The following SLC30A6 variants were observed in gnomAD, a reference collection of about 807,000 sequenced individuals.
The protein encoded by SLC30A6 is solute carrier family 30 member 6, also known as zinc transporter 6.
A neutral mutation model predicts 63.0 loss-of-function variants in SLC30A6; 55 were observed. The ratio of observed to expected loss-of-function variants is 0.87; its 90% CI spans 0.70 to 1.09. The LOEUF is 1.09. Ranked by LOEUF, SLC30A6 falls within the 50% of genes least tolerant of loss-of-function variation. SLC30A6 has a pLI of 0.00. For missense variants in SLC30A6, 587 were observed against 549.2 expected (o/e 1.07, Z -0.69); for synonymous variants, 224 against 186.1 (o/e 1.20, Z -1.66).
intron 11 of SLC30A6, 33 bp from the exon 12 acceptor site, chr2:32,206,853 C>G: frequency 1.3e-6 from 2 of 1,585,498 alleles, no homozygotes; most frequent in Non-Finnish European, 1.7e-6. Context: ...TTTCCTTCCC[C>G]CATTATTCAT....
intron 10 of SLC30A6, chr2:32,202,495 ATT>A: frequency 3.8e-6 from 1 of 265,924 alleles, no homozygotes; most frequent in South Asian, 4.2e-5. Flanking sequence ...ACCCCCGACT[ATT>A]TTTTTTTGTA....
intron 8 of SLC30A6, among the ~76,000 whole-genome samples, chr2:32,195,126 GTCTCACTC>G (rs1428933050): frequency 7.6e-6 from 1 of 131,054 alleles, no homozygotes; most frequent in Non-Finnish European, 1.6e-5. Context: ...TTGAAACGGA[GTCTCACTC>G]TCTTGCCCAG....
Position 32,220,580 on chromosome 2 carries a change from C to G in SLC30A6, c.1253C>G (p.Thr418Arg), listed in dbSNP as rs141501206. The change falls in exon 14 of 14, where the codon ACA becomes AGA. Residue 418 changes from threonine to arginine, a missense_variant. Thr to Arg is a moderately conservative substitution (Grantham distance 71). Coordinates refer to ENST00000282587, the MANE Select transcript of SLC30A6 (RefSeq NM_017964.5). ...GGTTTTGGTCTCAATCATGGACACACACCTTACAGCAGCATGCTTAATCAA... is the reference window on the plus strand; with the variant it reads ...GGTTTTGGTCTCAATCATGGACACAGACCTTACAGCAGCATGCTTAATCAA... ...PYGFGLNHGH[T>R]PYSSMLNQGL... 6 of 1,614,102 alleles carry G rather than the reference C, an allele frequency of 3.7e-6. No homozygotes were observed. The African/African-American group carries it at 6.7e-5, about 18-fold the overall frequency.
At position 32,209,524 on chromosome 2, in the gene SLC30A6, G is replaced by A. The variant is rs770642212; in HGVS notation, c.848G>A (p.Arg283Gln). The A allele has an allele frequency of 1.1e-5, 17 of 1,612,878 alleles. No homozygotes were observed. The Admixed American group carries it at 1.7e-4, about 16-fold the overall frequency. ...ACCTTAGATGGAGTTTTAGAAGTCC[G>A]AAATGAACATTTTTGGACCCTAGGT... ...VSTLDGVLEV[R>Q]NEHFWTLGFG... is the part of the protein sequence containing the mutation. The change falls in exon 13 of 14, where the codon CGA (arginine) becomes CAA (glutamine). Residue 283 changes from arginine to glutamine, a missense_variant. Transcript: ENST00000282587.
rs981119883 is a variant in SLC30A6 at position 32,194,043 on chromosome 2, TTTTG to T, written c.496+68_496+71del. 26 of 1,384,618 alleles carry T rather than the reference TTTTG, an allele frequency of 1.9e-5. No homozygotes were observed. In the African/African-American group the frequency reaches 2.9e-4, roughly 15 times the overall value. The allele number at this position is 1,384,618 out of a possible 1,614,324, so 85.8% of individuals were successfully genotyped here. ...AACTAATCTCTCATAAAAACAAGCCTTTTGTTTGTTTCGTTCACTCAGATCAATG... is the reference window on the plus strand; with the variant it reads ...AACTAATCTCTCATAAAAACAAGCCTTTTGTTTCGTTCACTCAGATCAATG... On this transcript the variant is annotated intron_variant, in intron 8 of 13. Coordinates refer to ENST00000282587, the MANE Select transcript of SLC30A6 (RefSeq NM_017964.5).
Position 32,220,740 on chromosome 2 carries a change from A to G in SLC30A6, c.*27A>G. The G allele has an allele frequency of 6.3e-7, 1 of 1,577,600 alleles. No homozygotes were observed. The highest frequency in any genetic ancestry group is 1.4e-5 in the African/African-American group (1 of 73,608). On this transcript the variant is annotated 3_prime_UTR_variant, in exon 14 of 14. Coordinates refer to ENST00000282587, the MANE Select transcript of SLC30A6 (RefSeq NM_017964.5). ...AGACTCTAACTTATTTTTATAAGGA[A>G]TATTGACTCCTTGGCTTCCAATTTA...
At chr2:32,202,032 A>C in intron 10 of SLC30A6, 4 of 1,103,138 alleles carry the variant, frequency 3.6e-6, no homozygotes, top group Non-Finnish European at 5.2e-6. Context: ...TGAAAAAAAA[A>C]AAGCAAGTAT....
chr2:32,199,389 T>A (rs980472781), intron 10 of SLC30A6, among the ~76,000 whole-genome samples: 10 of 152,218 alleles, frequency 6.6e-5, no homozygotes, highest in African/African-American at 2.4e-4. Flanking sequence ...TGTGATATGA[T>A]AATTCTGTAT....
chr2:32,189,648 G>A (rs1158679251), intron 5 of SLC30A6, among the ~76,000 whole-genome samples: 1 of 113,224 alleles, frequency 8.8e-6, no homozygotes, highest in Non-Finnish European at 1.6e-5. Context: ...TAACTCTGTA[G>A]CCCATGTTGG....
intron 6 of SLC30A6, 38 bp downstream of exon 6, chr2:32,192,454 G>A (rs1318790477): frequency 1.3e-6 from 2 of 1,561,094 alleles, no homozygotes; most frequent in African/African-American, 2.7e-5. Context: ...ATCCCCCCAT[G>A]ACACCTTTGG....
chr2:32,193,791 C>G, intron 7 of SLC30A6, 98 bp from the exon 8 acceptor site: 3 of 922,562 alleles, frequency 3.3e-6, no homozygotes, highest in Non-Finnish European at 5.1e-6. Flanking sequence ...AAGCAGACCA[C>G]TTTACCTTCC....
chr2:32,197,743 C>A lies in SLC30A6; in HGVS notation c.582C>A (p.Phe194Leu), dbSNP rs368772158. 29 of 1,613,980 alleles carry A rather than the reference C, an allele frequency of 1.8e-5. 1 individual carries two copies. In the East Asian group the frequency reaches 6.2e-4, roughly 35 times the overall value. ...TTATTCCGGGACTTAGCAGTATCTT[C>A]CTTCCCCGAATGAATCCATTTGTTT... is the stretch of plus-strand genomic sequence containing the variant. ...CGIIPGLSSI[F>L]LPRMNPFVLI... The change falls in exon 10 of 14, where the codon TTC becomes TTA. Residue 194 changes from phenylalanine to leucine, a missense_variant. Phe to Leu is a conservative substitution (Grantham distance 22). Coordinates refer to ENST00000282587, the MANE Select transcript of SLC30A6 (RefSeq NM_017964.5).
intron 11 of SLC30A6, among the ~76,000 whole-genome samples, chr2:32,204,932 G>A (rs939414609): frequency 6.7e-6 from 1 of 149,916 alleles, no homozygotes; most frequent in Non-Finnish European, 1.5e-5. Context: ...TCCCACCTCA[G>A]TCTCCTGAGT....
At chr2:32,172,248 C>T (rs1330785678) in intron 2 of SLC30A6, among the ~76,000 whole-genome samples, 1 of 152,124 alleles carries the variant, frequency 6.6e-6, no homozygotes, top group Non-Finnish European at 1.5e-5. Flanking sequence ...TTCAATGAAA[C>T]AATAATAAGC....
intron 1 of SLC30A6, among the ~76,000 whole-genome samples, chr2:32,166,483 C>G (rs1368104893): frequency 6.6e-6 from 1 of 152,182 alleles, no homozygotes; most frequent in Non-Finnish European, 1.5e-5. Flanking sequence ...TTTGTAGAAA[C>G]TAATGGAAGA....
At chr2:32,202,056 T>A (rs1347590924) in intron 10 of SLC30A6, 14 of 915,248 alleles carry the variant, frequency 1.5e-5, no homozygotes, top group Non-Finnish European at 1.8e-5. Flanking sequence ...CCTTAGATAG[T>A]TCTACTCATG....
At chr2:32,198,702 GCCT>G (rs1684010927) in intron 10 of SLC30A6, among the ~76,000 whole-genome samples, 1 of 152,122 alleles carries the variant, frequency 6.6e-6, no homozygotes, top group South Asian at 2.1e-4. Context: ...TCCTGCCTCA[GCCT>G]CCTGAGTAGC....
At chr2:32,190,693 C>T (rs1320723792) in intron 5 of SLC30A6, among the ~76,000 whole-genome samples, 2 of 152,024 alleles carry the variant, frequency 1.3e-5, no homozygotes, top group East Asian at 1.9e-4. Flanking sequence ...TGGCGCAATT[C>T]GGCTCACTTC....
intron 10 of SLC30A6, chr2:32,203,428 T>C (rs1187766505): frequency 1.4e-6 from 2 of 1,471,318 alleles, no homozygotes; most frequent in Non-Finnish European, 1.9e-6. Context: ...CTGCTGTTGA[T>C]TTTTTCCAAC....
Sources: gnomAD v4.1 joint callset for allele counts (sites outside exome capture counted in the v4.1 genomes callset) on GRCh38, gnomAD v4.1.1 for gene constraint, MANE v1.5 for transcripts, NCBI Gene and HGNC (gene_info 2026-07-23, HGNC 2026-07-21) for gene names.